The following RPS6KC1 variants were observed in gnomAD, a reference collection of about 807,000 sequenced individuals.
The protein encoded by RPS6KC1 is inactive ribosomal protein S6 kinase delta-1.
Under a neutral mutation model 103.8 loss-of-function variants are expected in RPS6KC1, and 54 were observed. That is an observed-to-expected ratio of 0.52 (90% CI 0.42 to 0.65). The LOEUF is 0.65. RPS6KC1 is among the 30% of genes least tolerant of loss of function. RPS6KC1 has a pLI of 0.00. For missense variants in RPS6KC1, 1,151 were observed against 1,253.8 expected (o/e 0.92, Z 1.24); for synonymous variants, 439 against 438.7 (o/e 1.00, Z -0.01).
At chr1:213,108,134 T>C (rs1249480484) in intron 4 of RPS6KC1, among the ~76,000 whole-genome samples, 1 of 152,148 alleles carries the variant, frequency 6.6e-6, no homozygotes, top group Non-Finnish European at 1.5e-5. Flanking sequence ...TTTATATATA[T>C]TTTTTCTTTT....
At chr1:213,601,957 CCCCT>C in the RPS6KC1 span, among the ~76,000 whole-genome samples, 7 of 74,148 alleles carry the variant, frequency 9.4e-5, 1 homozygote, top group Admixed American at 4.5e-4. Flanking sequence ...TTTCTCTTTT[CCCCT>C]CCCTCCCTCC....
In RPS6KC1 at chr1:213,259,841, C is replaced by T. The variant is rs185115674; in HGVS notation, c.2912-1717C>T. The stretch of plus-strand genomic sequence containing the variant: ...GCAACCTCCACCTCCTGGGTTCAAG[C>T]GATTCTCCTGCCTCAGCCTCCTGAG... On this transcript the variant is annotated intron_variant, in intron 12 of 14. Coordinates refer to ENST00000366960, the MANE Select transcript of RPS6KC1 (RefSeq NM_012424.6). 4.5e-3 allele frequency among the ~76,000 whole-genome samples: 652 copies of T among 145,730 alleles called. 4 individuals carry two copies. Among genetic ancestry groups the T allele is most frequent in the African/African-American group, 0.016 (626 of 40,068 alleles).
At chr1:213,062,761 T>G (rs2077961558) in intron 1 of RPS6KC1, among the ~76,000 whole-genome samples, 1 of 152,156 alleles carries the variant, frequency 6.6e-6, no homozygotes, top group Admixed American at 6.5e-5. Flanking sequence ...TTCACCATGT[T>G]GGCCAGGATG....
chr1:213,120,131 G>A (rs544382859), intron 5 of RPS6KC1, among the ~76,000 whole-genome samples: 3 of 152,224 alleles, frequency 2.0e-5, no homozygotes, highest in East Asian at 3.9e-4. Context: ...TCAAAAACAC[G>A]GAAAATGACT....
In RPS6KC1 at chr1:213,193,932, G is replaced by T. The variant is rs534705741; in HGVS notation, c.1044+17440G>T. Among the ~76,000 whole-genome samples the T allele has an allele frequency of 3.3e-5, 5 of 152,190 alleles. No homozygotes were observed. The South Asian group carries it at 6.2e-4, about 19-fold the overall frequency. On this transcript the variant is annotated intron_variant, in intron 8 of 14. Coordinates refer to ENST00000366960, the MANE Select transcript of RPS6KC1 (RefSeq NM_012424.6). ...AGTGAGCCACCATGCCCAGCCTACG[G>T]TTATTATTGTTTTGGGGTCTATTTC...
the RPS6KC1 span, among the ~76,000 whole-genome samples, chr1:213,329,487 C>T: frequency 6.6e-6 from 1 of 152,132 alleles, no homozygotes; most frequent in Non-Finnish European, 1.5e-5. Context: ...GGGAGGCTCT[C>T]ATCTCTGCAG....
chr1:213,335,164 A>G, the RPS6KC1 span, among the ~76,000 whole-genome samples: 2 of 152,246 alleles, frequency 1.3e-5, no homozygotes, highest in South Asian at 2.1e-4. Flanking sequence ...TTTCACTCAT[A>G]TGAACTAATG....
At chr1:213,324,209 A>G in the RPS6KC1 span, among the ~76,000 whole-genome samples, 1 of 152,222 alleles carries the variant, frequency 6.6e-6, no homozygotes, top group South Asian at 2.1e-4. Flanking sequence ...AAATGTTAAG[A>G]TTTATGCATC....
chr1:213,172,773 T>C (rs2091573849), intron 7 of RPS6KC1, among the ~76,000 whole-genome samples: 2 of 152,230 alleles, frequency 1.3e-5, no homozygotes, highest in Admixed American at 6.5e-5. Flanking sequence ...TTTTGAAGAT[T>C]GTTGGGTCAT....
chr1:213,357,555 A>G, the RPS6KC1 span, among the ~76,000 whole-genome samples: 2 of 152,214 alleles, frequency 1.3e-5, no homozygotes, highest in African/African-American at 4.8e-5. Context: ...CAGTCAGGTG[A>G]TGCACTGAAG....
the RPS6KC1 span, among the ~76,000 whole-genome samples, chr1:213,745,519 C>G: frequency 6.6e-6 from 1 of 151,814 alleles, no homozygotes; most frequent in South Asian, 2.1e-4. Flanking sequence ...ATGATGTGAA[C>G]GCAGTGGATT....
downstream of RPS6KC1, among the ~76,000 whole-genome samples, chr1:213,278,596 T>C (rs1477130156): frequency 2.6e-5 from 4 of 152,184 alleles, no homozygotes; most frequent in South Asian, 2.1e-4. Flanking sequence ...CTTCTACTGC[T>C]CTCTCAATTC....
the RPS6KC1 span, among the ~76,000 whole-genome samples, chr1:213,475,025 C>T: frequency 6.6e-6 from 1 of 152,190 alleles, no homozygotes; most frequent in Non-Finnish European, 1.5e-5. Context: ...AGTGGGGCCT[C>T]ACGGAAGCTG....
At chr1:213,446,656 G>A in the RPS6KC1 span, among the ~76,000 whole-genome samples, 4 of 152,050 alleles carry the variant, frequency 2.6e-5, no homozygotes, top group South Asian at 4.2e-4. Flanking sequence ...CTATAGCCTC[G>A]CCAAGTTGAC....
intron 3 of RPS6KC1, among the ~76,000 whole-genome samples, chr1:213,087,849 G>C (rs567995383): frequency 8.5e-5 from 13 of 152,142 alleles, no homozygotes; most frequent in Admixed American, 2.0e-4. Flanking sequence ...CTAGCACCCT[G>C]CAGAGTTGTT....
chr1:213,621,238 C>A, the RPS6KC1 span, among the ~76,000 whole-genome samples: 1 of 152,134 alleles, frequency 6.6e-6, no homozygotes, highest in African/African-American at 2.4e-5. Flanking sequence ...ATGGCATTCC[C>A]CACTAAAAGT....
At chr1:213,669,764 A>G in the RPS6KC1 span, among the ~76,000 whole-genome samples, 1 of 152,136 alleles carries the variant, frequency 6.6e-6, no homozygotes, top group African/African-American at 2.4e-5. Flanking sequence ...AGCAGTTCAG[A>G]AAGTTTGTGT....
At chr1:213,760,936 G>T in the RPS6KC1 span, among the ~76,000 whole-genome samples, 1 of 120,844 alleles carries the variant, frequency 8.3e-6, no homozygotes, top group Non-Finnish European at 1.7e-5. Context: ...GCATTTGGGG[G>T]GAAAATGAAC....
chr1:213,165,868 C>G (rs1278779438), intron 6 of RPS6KC1, among the ~76,000 whole-genome samples: 3 of 152,136 alleles, frequency 2.0e-5, no homozygotes, highest in Non-Finnish European at 2.9e-5. Context: ...ATATATAAGG[C>G]TACATTTAAA....
Sources: allele counts gnomAD v4.1 joint callset (sites outside exome capture counted in the v4.1 genomes callset), GRCh38; gene constraint gnomAD v4.1.1; transcripts MANE v1.5; gene names NCBI Gene and HGNC (gene_info 2026-07-23, HGNC 2026-07-21).